BANP: variants seen among roughly 807,000 people sequenced by gnomAD.
BANP encodes the protein protein BANP.
A neutral mutation model predicts 68.1 loss-of-function variants in BANP; 11 were observed. That is an observed-to-expected ratio of 0.16 (90% CI 0.10 to 0.27). BANP has a LOEUF of 0.27. Ranked by LOEUF, BANP falls within the 10% of genes least tolerant of loss-of-function variation. The probability of loss-of-function intolerance (pLI) is 1.00; values close to 1 mark genes in which losing one functional copy is unlikely to be tolerated. For synonymous variants in BANP, 329 were observed against 303.2 expected (o/e 1.09, Z -0.88); for missense variants, 504 against 722.7 (o/e 0.70, Z 3.47).
rs1398705789 is a variant in BANP, at chr16:88,077,044, CT to C, written c.*386del. 1 of 241,766 alleles carries C rather than the reference CT, an allele frequency of 4.1e-6. No homozygotes were observed. Among genetic ancestry groups the C allele is most frequent in the African/African-American group, 2.3e-5 (1 of 43,170 alleles). The allele number at this position is 241,766 out of a possible 1,614,324, so 15.0% of individuals were successfully genotyped here. A position where few individuals can be genotyped will look rare whatever the true frequency, so the allele number is the denominator to read the frequency against. Reference sequence around the variant, plus strand: ...AAATCCCAGGGGAGTAGCAGGAGCCCTTTGCTGTGTGCTCTGTCCAGTGTCA... The same window carrying C: ...AAATCCCAGGGGAGTAGCAGGAGCCCTTGCTGTGTGCTCTGTCCAGTGTCA... On this transcript the variant is annotated 3_prime_UTR_variant, in exon 14 of 14. Coordinates refer to ENST00000682872, the MANE Select transcript of BANP (RefSeq NM_001386991.1).
chr16:88,033,043 C>G, intron 8 of BANP, 66 bp from the exon 9 acceptor site: 1 of 1,486,006 alleles, frequency 6.7e-7, no homozygotes, highest in Middle Eastern at 2.4e-4. Flanking sequence ...GGGGTGCACA[C>G]ATGCCACACC....
rs1237986413 is a variant in BANP at position 88,071,507 on chromosome 16, C to T, written c.1378-562C>T. On this transcript the variant is annotated intron_variant, in intron 12 of 13. Transcript: ENST00000682872. This position sits in a 1 kb window ranked among gnomAD's most constrained non-coding sequence, Gnocchi z 6.5. The stretch of plus-strand genomic sequence containing the variant: ...CGGGGCTCTCTGCCACCAGGACTCA[C>T]TTCCGCCCATCTTGGAACTGGGCCT... The T allele has an allele frequency of 2.2e-6, 1 of 456,318 alleles. No individual in the cohort carries two copies. The highest frequency in any genetic ancestry group is 2.0e-5 in the African/African-American group (1 of 50,100). The allele number at this position is 456,318 out of a possible 1,614,324, so 28.3% of individuals were successfully genotyped here.
At chr16:88,044,324 A>G (rs2081468213) in intron 11 of BANP, among the ~76,000 whole-genome samples, 1 of 152,246 alleles carries the variant, frequency 6.6e-6, no homozygotes, top group African/African-American at 2.4e-5. Flanking sequence ...GAACAGGTCC[A>G]CAGGACAACA....
At chr16:88,073,399 C>CGCGCCCTGT (rs1312085566) in intron 13 of BANP, among the ~76,000 whole-genome samples, 25 of 152,014 alleles carry the variant, frequency 1.6e-4, no homozygotes, top group East Asian at 1.2e-3. Flanking sequence ...CCTGCAGAGG[C>CGCGCCCTGT]ACGCCCTGTA....
intron 4 of BANP, among the ~76,000 whole-genome samples, chr16:87,991,014 G>A (rs2065771558): frequency 6.6e-6 from 1 of 152,094 alleles, no homozygotes; most frequent in South Asian, 2.1e-4. Flanking sequence ...TGCCTGCCTC[G>A]GCCTCCCAAA....
In BANP at chr16:88,006,708, C is replaced by T. The variant is rs562830600; in HGVS notation, c.655+443C>T. ...GTGGCTCACACCTGTAATTCCAGCA[C>T]TTTGGGAGGCTGAGGCGGGTGGATC... On this transcript the variant is annotated intron_variant, in intron 6 of 13. Coordinates refer to ENST00000682872, the MANE Select transcript of BANP (RefSeq NM_001386991.1). 2.0e-5 allele frequency among the ~76,000 whole-genome samples: 3 copies of T among 150,798 alleles called. No individual in the cohort carries two copies. In the South Asian group the frequency reaches 6.3e-4, roughly 32 times the overall value.
At chr16:88,044,709 C>T (rs1031137341) in intron 11 of BANP, among the ~76,000 whole-genome samples, 2 of 152,190 alleles carry the variant, frequency 1.3e-5, no homozygotes, top group Admixed American at 6.5e-5. Flanking sequence ...ATAGGCTGGG[C>T]ACGGTGGCTC....
At chr16:87,967,215 C>G (rs577860073) in intron 1 of BANP, among the ~76,000 whole-genome samples, 35 of 149,480 alleles carry the variant, frequency 2.3e-4, no homozygotes, top group Non-Finnish European at 4.1e-4. Context: ...AGAAACTTTG[C>G]AAAGTTTTGT....
chr16:88,062,487 C>G (rs141542549), intron 11 of BANP, among the ~76,000 whole-genome samples: 1 of 152,346 alleles, frequency 6.6e-6, no homozygotes, highest in Non-Finnish European at 1.5e-5. Flanking sequence ...ACAACTGGCT[C>G]TGTTTCAAAA....
At chr16:88,020,181 C>T (rs1039240438) in intron 7 of BANP, among the ~76,000 whole-genome samples, 2 of 152,198 alleles carry the variant, frequency 1.3e-5, no homozygotes, top group Non-Finnish European at 2.9e-5. Flanking sequence ...AAGGGCCACA[C>T]GGCAGATATT....
chr16:87,982,314 G>A (rs1044938792), intron 3 of BANP, among the ~76,000 whole-genome samples: 2 of 152,152 alleles, frequency 1.3e-5, no homozygotes, highest in African/African-American at 4.8e-5. Context: ...TCGTGTGCGT[G>A]GCTCTAGGTT....
chr16:88,049,211 C>T (rs763716864), intron 11 of BANP, among the ~76,000 whole-genome samples: 7 of 152,154 alleles, frequency 4.6e-5, no homozygotes, highest in Admixed American at 1.3e-4. Flanking sequence ...TCTGGCCAAC[C>T]GGCTTCAGGT....
chr16:88,050,405 C>T (rs1416222747), intron 11 of BANP, among the ~76,000 whole-genome samples: 2 of 152,200 alleles, frequency 1.3e-5, no homozygotes, highest in African/African-American at 2.4e-5. Context: ...GTCCACCTGC[C>T]TCGGCCTCCC....
At chr16:88,042,376 G>A (rs979585427) in intron 11 of BANP, among the ~76,000 whole-genome samples, 2 of 152,190 alleles carry the variant, frequency 1.3e-5, no homozygotes, top group African/African-American at 4.8e-5. Flanking sequence ...GCCCTCCAGC[G>A]CTGTGTCTCA....
intron 4 of BANP, among the ~76,000 whole-genome samples, chr16:87,995,985 G>A (rs544600032): frequency 6.6e-6 from 1 of 152,222 alleles, no homozygotes; most frequent in African/African-American, 2.4e-5. Context: ...TGGCCCTGGG[G>A]CATTTGAAAG....
In BANP at chr16:88,073,188, C is replaced by CA. The variant is rs565253434; in HGVS notation, c.1521+977dup. ...TGGGCTCGGTAGAGCTCACGCTCAC[C>CA]AGGGTGCGCAGGTCGCCAGGCTGGG... On this transcript the variant is annotated intron_variant, in intron 13 of 13. Coordinates refer to ENST00000682872, the MANE Select transcript of BANP (RefSeq NM_001386991.1). 2.9e-4 allele frequency among the ~76,000 whole-genome samples: 44 copies of CA among 152,360 alleles called. No individual in the cohort carries two copies. In the East Asian group the frequency reaches 7.3e-3, roughly 25 times the overall value.
At chr16:88,049,128 G>A (rs916199729) in intron 11 of BANP, among the ~76,000 whole-genome samples, 4 of 152,072 alleles carry the variant, frequency 2.6e-5, no homozygotes, top group South Asian at 4.1e-4. Context: ...CGGAGACAGC[G>A]TCGGATCCCA....
chr16:88,076,373 G>A (rs888239178), intron 13 of BANP, among the ~76,000 whole-genome samples: 2 of 152,310 alleles, frequency 1.3e-5, no homozygotes, highest in Admixed American at 6.5e-5. Flanking sequence ...TGGGTGTGCC[G>A]GAGCCTCCCT....
At position 88,064,160 on chromosome 16, in the gene BANP, C is replaced by T. The variant is rs1009177686; in HGVS notation, c.1312-1107C>T. Reference sequence around the variant, plus strand: ...GGCTCTCTTCAGAGACGGCAGAGCACGAGGCTGGGGCAGGAGGTGTCGGGG... The same window carrying T: ...GGCTCTCTTCAGAGACGGCAGAGCATGAGGCTGGGGCAGGAGGTGTCGGGG... On this transcript the variant is annotated intron_variant, in intron 11 of 13. Transcript: ENST00000682872. This position sits in a 1 kb window ranked among gnomAD's most constrained non-coding sequence, Gnocchi z 4.5. 7.6e-6 allele frequency among the ~76,000 whole-genome samples: 1 copy of T among 131,022 alleles called. No individual in the cohort carries two copies. The highest frequency in any genetic ancestry group is 1.6e-5 in the Non-Finnish European group (1 of 63,518). The allele number at this position is 131,022 out of a possible 152,430, so 86.0% of individuals were successfully genotyped here.
Sources: gnomAD v4.1 joint callset for allele counts (sites outside exome capture counted in the v4.1 genomes callset) on GRCh38, gnomAD v4.1.1 for gene constraint, Gnocchi (gnomAD v3.1) non-coding constraint, MANE v1.5 for transcripts, NCBI Gene and HGNC (gene_info 2026-07-23, HGNC 2026-07-21) for gene names.